The following HS2ST1 variants were observed in gnomAD, a reference collection of about 807,000 sequenced individuals.
HS2ST1 encodes the protein heparan sulfate 2-O-sulfotransferase 1.
In HS2ST1, 18 loss-of-function variants were observed where a neutral mutation model predicts 42.9. The observed-to-expected ratio is 0.42, with a 90% CI of 0.29 to 0.62. The LOEUF is 0.62. Ranked by LOEUF, HS2ST1 falls within the 20% of genes least tolerant of loss-of-function variation. The probability of loss-of-function intolerance (pLI) is 0.21; values close to 1 mark genes in which losing one functional copy is unlikely to be tolerated. For synonymous variants in HS2ST1, 146 were observed against 152.9 expected (o/e 0.95, Z 0.33); for missense variants, 334 against 433.8 (o/e 0.77, Z 2.04).
chr1:86,981,438 ACAAGT>A (rs1379341389), intron 1 of HS2ST1, among the ~76,000 whole-genome samples: 2 of 152,180 alleles, frequency 1.3e-5, no homozygotes, highest in Non-Finnish European at 2.9e-5. Flanking sequence ...CTGACACAAG[ACAAGT>A]CCCTTCTACC....
chr1:87,032,633 T>C (rs1650268565), intron 1 of HS2ST1, among the ~76,000 whole-genome samples: 1 of 152,190 alleles, frequency 6.6e-6, no homozygotes, highest in African/African-American at 2.4e-5. Context: ...TACAGCTCTT[T>C]ACTATCAGAG....
intron 1 of HS2ST1, among the ~76,000 whole-genome samples, chr1:86,948,807 A>G (rs1297973848): frequency 6.6e-6 from 1 of 152,216 alleles, no homozygotes; most frequent in Non-Finnish European, 1.5e-5. Context: ...TTACATTAAC[A>G]TTTTAAGTGG....
At chr1:87,041,952 A>G (rs1650534264) in intron 1 of HS2ST1, among the ~76,000 whole-genome samples, 1 of 152,186 alleles carries the variant, frequency 6.6e-6, no homozygotes, top group Admixed American at 6.5e-5. Flanking sequence ...CTTTTAAAAA[A>G]TTAAACACAG....
rs143774604 is a variant in HS2ST1 at position 86,994,643 on chromosome 1, C to T, written c.125-78291C>T. Among the ~76,000 whole-genome samples the T allele has an allele frequency of 4.0e-5, 6 of 151,820 alleles. No homozygotes were observed. The East Asian group carries it at 1.2e-3, about 29-fold the overall frequency. ...GTATAAAGTACAATTTAATCTTTAACAGTGAGAGAGGCTTTGTAGTGGGGT... is the reference window on the plus strand; with the variant it reads ...GTATAAAGTACAATTTAATCTTTAATAGTGAGAGAGGCTTTGTAGTGGGGT... On this transcript the variant is annotated intron_variant, in intron 1 of 6. Coordinates refer to ENST00000370550, the MANE Select transcript of HS2ST1 (RefSeq NM_012262.4).
chr1:87,018,636 G>A (rs1649832861), intron 1 of HS2ST1, among the ~76,000 whole-genome samples: 1 of 152,160 alleles, frequency 6.6e-6, no homozygotes, highest in South Asian at 2.1e-4. Flanking sequence ...AGCAAGTTCT[G>A]CTTATGTAGC....
intron 1 of HS2ST1, among the ~76,000 whole-genome samples, chr1:87,066,381 A>G (rs1360995533): frequency 1.3e-5 from 2 of 152,160 alleles, no homozygotes; most frequent in South Asian, 2.1e-4. Context: ...CATGACTCCT[A>G]CATTGCACCC....
intron 1 of HS2ST1, among the ~76,000 whole-genome samples, chr1:86,946,968 A>G (rs1455244219): frequency 1.3e-5 from 2 of 152,240 alleles, no homozygotes; most frequent in East Asian, 1.9e-4. Context: ...TTGCAGGCTA[A>G]TAAATTAGCC....
chr1:86,984,693 T>G (rs1160919505), intron 1 of HS2ST1, among the ~76,000 whole-genome samples: 4 of 151,686 alleles, frequency 2.6e-5, no homozygotes, highest in Admixed American at 2.6e-4. Context: ...GGAGACCAGC[T>G]TGGCCAACAC....
intron 1 of HS2ST1, among the ~76,000 whole-genome samples, chr1:87,028,264 A>G (rs1379817773): frequency 2.0e-5 from 3 of 152,252 alleles, no homozygotes; most frequent in Non-Finnish European, 4.4e-5. Context: ...ACTGTGTGCC[A>G]AGAAACTCAA....
At chr1:87,003,827 G>A (rs1006828279) in intron 1 of HS2ST1, among the ~76,000 whole-genome samples, 6 of 152,180 alleles carry the variant, frequency 3.9e-5, no homozygotes, top group Non-Finnish European at 8.8e-5. Flanking sequence ...ACAGGAGGAT[G>A]TGTGTAGGTT....
intron 1 of HS2ST1, among the ~76,000 whole-genome samples, chr1:87,024,869 A>G (rs972151576): frequency 6.6e-6 from 1 of 152,186 alleles, no homozygotes; most frequent in African/African-American, 2.4e-5. Context: ...TTTCAATTGT[A>G]TTATACCAAA....
chr1:86,979,850 C>T (rs1436360613), intron 1 of HS2ST1, among the ~76,000 whole-genome samples: 4 of 152,230 alleles, frequency 2.6e-5, no homozygotes, highest in Admixed American at 2.6e-4. Flanking sequence ...CCAGTTAATT[C>T]ACATCCTTGC....
At chr1:87,080,354 C>T (rs1651653545) in intron 2 of HS2ST1, among the ~76,000 whole-genome samples, 1 of 152,094 alleles carries the variant, frequency 6.6e-6, no homozygotes, top group Admixed American at 6.5e-5. Context: ...AGGAAATAAA[C>T]AATTGAGAGA....
intron 1 of HS2ST1, among the ~76,000 whole-genome samples, chr1:86,968,245 A>G (rs955820777): frequency 6.6e-6 from 1 of 152,180 alleles, no homozygotes. Flanking sequence ...TTGTCTGTAC[A>G]TTCTGATGAT....
chr1:87,103,434 A>G lies in HS2ST1; in HGVS notation c.689A>G (p.Asn230Ser). 6.3e-7 allele frequency: 1 copy of G among 1,592,038 alleles called. No homozygotes were observed. Among genetic ancestry groups the G allele is most frequent in the East Asian group, 2.3e-5 (1 of 44,322 alleles). The stretch of plus-strand genomic sequence containing the variant: ...TAATTCCTTTTCTTTGGTTTCAGGA[A>G]TGTGGGAAGCAGGTGGGCTATGGAT... ...FFCGHSSECWNVGSRWAMDQA... is the reference protein window; with the variant it reads ...FFCGHSSECWSVGSRWAMDQA... The change falls in exon 6 of 7, where the codon AAT (asparagine) becomes AGT (serine). Residue 230 changes from asparagine (N) to serine (S), a missense_variant and splice_region_variant. By Grantham distance (46) the Asn-to-Ser change is conservative (BLOSUM62 1). Transcript: ENST00000370550.
chr1:86,923,398 CTTTT>C, intron 1 of HS2ST1, among the ~76,000 whole-genome samples: 1 of 137,796 alleles, frequency 7.3e-6, no homozygotes, highest in Admixed American at 7.3e-5. Context: ...AGGGGAACGC[CTTTT>C]TTTTTTTTTT....
At chr1:87,062,662 TTTC>T (rs1651145792) in intron 1 of HS2ST1, among the ~76,000 whole-genome samples, 1 of 152,222 alleles carries the variant, frequency 6.6e-6, no homozygotes, top group Non-Finnish European at 1.5e-5. Flanking sequence ...TGTTTTAAGA[TTTC>T]TTCTTTTATC....
intron 1 of HS2ST1, among the ~76,000 whole-genome samples, chr1:87,048,547 T>C (rs1451175725): frequency 6.6e-6 from 1 of 151,834 alleles, no homozygotes; most frequent in Non-Finnish European, 1.5e-5. Flanking sequence ...TATCCTTTTA[T>C]TAGTTTGAGG....
chr1:86,923,316 C>G (rs538940751), intron 1 of HS2ST1, among the ~76,000 whole-genome samples: 1 of 151,862 alleles, frequency 6.6e-6, no homozygotes, highest in Non-Finnish European at 1.5e-5. Flanking sequence ...GGAAGCCTCA[C>G]AACTGTGGCA....
Sources: allele counts gnomAD v4.1 joint callset (sites outside exome capture counted in the v4.1 genomes callset), GRCh38; gene constraint gnomAD v4.1.1; transcripts MANE v1.5; gene names NCBI Gene and HGNC (gene_info 2026-07-23, HGNC 2026-07-21).